Variants in DYNC1I1 observed in about 807,000 individuals in gnomAD.
DYNC1I1 encodes the protein cytoplasmic dynein 1 intermediate chain 1.
DYNC1I1 carries 43 observed loss-of-function variants against 86.6 expected under a neutral mutation model. The ratio of observed to expected loss-of-function variants is 0.50; its 90% CI spans 0.39 to 0.64. The LOEUF is 0.64. Among genes scored for constraint, DYNC1I1 ranks in the 30% least tolerant of loss-of-function variants. DYNC1I1 has a pLI of 0.00. For synonymous variants in DYNC1I1, 262 were observed against 283.7 expected, an observed-to-expected ratio of 0.92 and a Z score of 0.77; for missense variants, 604 against 788.8, an observed-to-expected ratio of 0.77 and a Z score of 2.81.
chr7:96,035,965 A>G (rs1794918463), intron 13 of DYNC1I1, among the ~76,000 whole-genome samples: 1 of 151,952 alleles, frequency 6.6e-6, no homozygotes, highest in Non-Finnish European at 1.5e-5. Flanking sequence ...GAGGGAAAAA[A>G]GCTCGAGCTT....
At chr7:95,977,743 A>G (rs1793345820) in intron 7 of DYNC1I1, 142 bp downstream of exon 7, 1 of 606,676 alleles carries the variant, frequency 1.6e-6, no homozygotes, top group Non-Finnish European at 2.7e-6. Context: ...TCAATACATT[A>G]CATTTAGCAA....
In DYNC1I1 at chr7:96,008,624, T is replaced by C. The variant is rs147840649; in HGVS notation, c.969+12551T>C. Among the ~76,000 whole-genome samples the C allele has an allele frequency of 9.3e-4, 142 of 152,322 alleles. No homozygotes were observed. The East Asian group carries it at 0.022, about 24-fold the overall frequency. ...TTTACTAACTGTCAAAGTCAGTGTTTAAACTGAGATAATTTGAATTATATT... is the reference window on the plus strand; with the variant it reads ...TTTACTAACTGTCAAAGTCAGTGTTCAAACTGAGATAATTTGAATTATATT... On this transcript the variant is annotated intron_variant, in intron 10 of 16. Transcript: ENST00000447467.
intron 5 of DYNC1I1, among the ~76,000 whole-genome samples, chr7:95,861,814 A>G (rs1789888405): frequency 6.6e-6 from 1 of 152,164 alleles, no homozygotes; most frequent in Admixed American, 6.5e-5. Context: ...ACCCCTGGGA[A>G]ACTTGCAGGT....
At position 96,007,908 on chromosome 7, in the gene DYNC1I1, T is replaced by A. The variant is rs151137275; in HGVS notation, c.969+11835T>A. Among the ~76,000 whole-genome samples, 899 of 152,318 alleles carry A rather than the reference T, an allele frequency of 5.9e-3. 15 individuals are homozygous for A. Among genetic ancestry groups the A allele is most frequent in the African/African-American group, 0.02 (850 of 41,578 alleles). ...ACTGAATTCTCACTGGCTCTGAGCC[T>A]GAGGGGCCACAGTCCATTTCTCTGG... On this transcript the variant is annotated intron_variant, in intron 10 of 16. Coordinates refer to ENST00000447467, the MANE Select transcript of DYNC1I1 (RefSeq NM_001135556.2).
chr7:96,071,094 T>C (rs1562993775), intron 14 of DYNC1I1, among the ~76,000 whole-genome samples: 1 of 152,216 alleles, frequency 6.6e-6, no homozygotes, highest in Non-Finnish European at 1.5e-5. Flanking sequence ...CTCTAATTGA[T>C]CAAATAAGAA....
intron 1 of DYNC1I1, among the ~76,000 whole-genome samples, chr7:95,781,067 G>T (rs1015519374): frequency 7.9e-5 from 12 of 152,062 alleles, no homozygotes; most frequent in African/African-American, 2.9e-4. Context: ...CTTTCAGAAG[G>T]TATAGGTTAC....
intron 6 of DYNC1I1, among the ~76,000 whole-genome samples, chr7:95,954,840 C>T (rs1354829160): frequency 5.8e-5 from 8 of 137,254 alleles, no homozygotes; most frequent in Admixed American, 1.7e-4. Context: ...GGCGTGAACC[C>T]GGGAGGCGGA....
intron 6 of DYNC1I1, among the ~76,000 whole-genome samples, chr7:95,878,178 A>G (rs1790358284): frequency 6.6e-6 from 1 of 152,160 alleles, no homozygotes; most frequent in Admixed American, 6.5e-5. Context: ...AAGAAACCAG[A>G]AAGTCTGACC....
chr7:96,057,461 G>C (rs1452216008), intron 14 of DYNC1I1, among the ~76,000 whole-genome samples: 1 of 152,042 alleles, frequency 6.6e-6, no homozygotes, highest in East Asian at 1.9e-4. Flanking sequence ...TAAATAAAAT[G>C]GTTTAATATT....
At chr7:95,959,997 C>T (rs1792822526) in intron 6 of DYNC1I1, among the ~76,000 whole-genome samples, 1 of 152,064 alleles carries the variant, frequency 6.6e-6, no homozygotes, top group Non-Finnish European at 1.5e-5. Context: ...CGGACTTGTG[C>T]AGTGTAAGGA....
chr7:96,099,123 A>T (rs945832053), downstream of DYNC1I1, among the ~76,000 whole-genome samples: 1 of 152,244 alleles, frequency 6.6e-6, no homozygotes, highest in Non-Finnish European at 1.5e-5. Flanking sequence ...TCACAGACAT[A>T]CAGTAAAGTA....
intron 6 of DYNC1I1, among the ~76,000 whole-genome samples, chr7:95,928,706 C>CT (rs1302342622): frequency 6.6e-6 from 1 of 152,134 alleles, no homozygotes; most frequent in Non-Finnish European, 1.5e-5. Context: ...TTTTAAAAGA[C>CT]TTTTTACTGG....
At chr7:95,820,397 AT>A (rs1404724671) in intron 4 of DYNC1I1, among the ~76,000 whole-genome samples, 1 of 152,228 alleles carries the variant, frequency 6.6e-6, no homozygotes, top group African/African-American at 2.4e-5. Flanking sequence ...TGGAAACGGC[AT>A]TTTAAAAATT....
intron 7 of DYNC1I1, among the ~76,000 whole-genome samples, chr7:95,980,536 CTTTTT>C (rs56835338): frequency 2.6e-4 from 14 of 54,426 alleles, no homozygotes; most frequent in East Asian, 7.2e-4. Flanking sequence ...AGAAATCTGG[CTTTTT>C]TTTTTTTTTT....
At chr7:95,969,030 A>G (rs1052974885) in intron 6 of DYNC1I1, among the ~76,000 whole-genome samples, 2 of 152,322 alleles carry the variant, frequency 1.3e-5, no homozygotes. Context: ...TGCTTACGAG[A>G]ATGTAGAGAA....
chr7:96,097,839 G>A lies in DYNC1I1; in HGVS notation c.*246G>A, dbSNP rs1364030511. On this transcript the variant is annotated 3_prime_UTR_variant, in exon 17 of 17. Coordinates refer to ENST00000447467, the MANE Select transcript of DYNC1I1 (RefSeq NM_001135556.2). The stretch of plus-strand genomic sequence containing the variant: ...TCAAAAATGAAGAGAAGGGGGTTAT[G>A]GGTTAAGTTGCTGCCTTTTAACTAC... The A allele has an allele frequency of 2.5e-6, 3 of 1,218,000 alleles. No individual in the cohort carries two copies. Among genetic ancestry groups the A allele is most frequent in the Non-Finnish European group, 3.1e-6 (3 of 972,312 alleles). The allele number at this position is 1,218,000 out of a possible 1,614,324, so 75.4% of individuals were successfully genotyped here.
At chr7:95,986,926 G>T (rs1562964070) in intron 8 of DYNC1I1, 130 bp from the exon 9 acceptor site, 3 of 749,812 alleles carry the variant, frequency 4.0e-6, no homozygotes, top group East Asian at 4.9e-5. Flanking sequence ...TTTGATCAGG[G>T]TATGTAGTCT....
intron 6 of DYNC1I1, among the ~76,000 whole-genome samples, chr7:95,963,295 A>T (rs1273434770): frequency 2.0e-5 from 3 of 152,096 alleles, no homozygotes; most frequent in Non-Finnish European, 4.4e-5. Flanking sequence ...TCTGATGTAG[A>T]TATTTACATA....
intron 5 of DYNC1I1, among the ~76,000 whole-genome samples, chr7:95,839,246 G>T (rs1789209914): frequency 6.6e-6 from 1 of 152,112 alleles, no homozygotes; most frequent in Non-Finnish European, 1.5e-5. Flanking sequence ...GGCCGGGCTA[G>T]TCTCAAACTC....
Sources: gnomAD v4.1 joint callset for allele counts (sites outside exome capture counted in the v4.1 genomes callset) on GRCh38, gnomAD v4.1.1 for gene constraint, MANE v1.5 for transcripts, NCBI Gene and HGNC (gene_info 2026-07-23, HGNC 2026-07-21) for gene names.